The following MGAM2 variants were observed in gnomAD, a reference collection of about 807,000 sequenced individuals.
MGAM2 encodes probable maltase-glucoamylase 2.
MGAM2 carries 98 observed loss-of-function variants against 96.1 expected under a neutral mutation model. The ratio of observed to expected loss-of-function variants is 1.02; its 90% confidence interval spans 0.87 to 1.21. The LOEUF is 1.21. MGAM2 is among the 50% of genes most tolerant of loss of function. The probability of loss-of-function intolerance (pLI) is 0.00; values close to 1 mark genes in which losing one functional copy is unlikely to be tolerated. For missense variants in MGAM2, 2,055 were observed against 1,182.4 expected (o/e 1.74, Z -10.82); for synonymous variants, 749 against 414.8 (o/e 1.81, Z -9.79).
intron 23 of MGAM2, among the ~76,000 whole-genome samples, chr7:142,164,302 C>T (rs1795968325): frequency 6.6e-6 from 1 of 152,164 alleles, no homozygotes; most frequent in Non-Finnish European, 1.5e-5. Flanking sequence ...ATTTAATTTT[C>T]TGTGTTTCAG....
At chr7:142,208,731 C>A (rs532066024) in intron 46 of MGAM2, 109 bp downstream of exon 46, 106 of 611,288 alleles carry the variant, frequency 1.7e-4, no homozygotes, top group African/African-American at 1.7e-3. Context: ...GGAGGTTCTT[C>A]TTGCCTTTAC....
Position 142,221,410 on chromosome 7 carries a change from C to A in MGAM2, c.6899C>A (p.Pro2300His). ...TTYYQTSPTI[P>H]THTLTSIPSS... Reference sequence around the variant, plus strand: ...TATTACCAGACTTCTCCTACCATTCCTACCCATACTCTTACTTCTATTCCT... The same window carrying A: ...TATTACCAGACTTCTCCTACCATTCATACCCATACTCTTACTTCTATTCCT... The change falls in exon 48 of 48, where the codon CCT becomes CAT. Residue 2300 changes from proline (P) to histidine (H), a missense_variant. Coordinates refer to ENST00000477922, the MANE Select transcript of MGAM2 (RefSeq NM_001293626.2). 2 of 601,418 alleles carry A rather than the reference C, an allele frequency of 3.3e-6. No individual in the cohort carries two copies. The highest frequency in any genetic ancestry group is 5.5e-5 in the East Asian group (2 of 36,470). The allele number at this position is 601,418 out of a possible 1,614,324, so 37.3% of individuals were successfully genotyped here.
At chr7:142,126,055 C>T (rs1278762979) in intron 3 of MGAM2, among the ~76,000 whole-genome samples, 3 of 151,852 alleles carry the variant, frequency 2.0e-5, no homozygotes, top group African/African-American at 7.3e-5. Flanking sequence ...ATATATTTTT[C>T]CAACTTGCTT....
intron 13 of MGAM2, 41 bp downstream of exon 13, chr7:142,143,923 A>G: frequency 1.4e-6 from 1 of 699,478 alleles, no homozygotes; most frequent in Non-Finnish European, 2.6e-6. Flanking sequence ...TTGGAAACAG[A>G]TAACGCCAAA....
chr7:142,167,786 G>A (rs772525494), intron 26 of MGAM2, among the ~76,000 whole-genome samples: 17 of 151,874 alleles, frequency 1.1e-4, no homozygotes, highest in East Asian at 9.7e-4. Flanking sequence ...TTTCCCAGGC[G>A]GTCTCAAATG....
chr7:142,199,913 G>C lies in MGAM2; in HGVS notation c.5082G>C (p.Leu1694Phe). 1 of 655,780 alleles carries C rather than the reference G, an allele frequency of 1.5e-6. No homozygotes were observed. The highest frequency in any genetic ancestry group is 1.6e-5 in the South Asian group (1 of 62,258). 40.6% of individuals were successfully genotyped at this position (655,780 alleles called of 1,614,324 possible). A position where few individuals can be genotyped will look rare whatever the true frequency, so the allele number is the denominator to read the frequency against. ...ATTTTATGGGATTGATTGTTGCTTT[G>C]GATGACAATGGGACAGCTGAAGGCC... ...RQNFMGLIVA[L>F]DDNGTAEGQV... is the part of the protein sequence containing the mutation. Residue 1694 changes from leucine to phenylalanine, a missense_variant, in exon 45 of 48, where the codon TTG (leucine) becomes TTC (phenylalanine). Transcript: ENST00000477922.
At position 142,159,437 on chromosome 7, in the gene MGAM2, T is replaced by C. The variant is rs76984257; in HGVS notation, c.2220+94T>C. On this transcript the variant is annotated intron_variant, in intron 20 of 47. Transcript: ENST00000477922. ...TTGGGAGCTTGCCATAGAATAATAG[T>C]ACAAGATTTATAGTTAGTTGATTGT... 3.9e-3 allele frequency: 2,602 copies of C among 669,216 alleles called. 48 individuals carry two copies. In the African/African-American group the frequency reaches 0.04, roughly 10 times the overall value. 41.5% of individuals were successfully genotyped at this position (669,216 alleles called of 1,614,324 possible). A position where few individuals can be genotyped will look rare whatever the true frequency, so the allele number is the denominator to read the frequency against.
chr7:142,193,940 A>G (rs1457637321), intron 37 of MGAM2, among the ~76,000 whole-genome samples: 4 of 152,128 alleles, frequency 2.6e-5, no homozygotes, highest in Non-Finnish European at 5.9e-5. Context: ...TGTCTCATTT[A>G]TGATGTCCCA....
intron 17 of MGAM2, among the ~76,000 whole-genome samples, chr7:142,157,227 G>A (rs944912926): frequency 2.2e-4 from 34 of 152,112 alleles, no homozygotes; most frequent in African/African-American, 8.2e-4. Flanking sequence ...TTTAGTAGTA[G>A]TACAACTTAT....
At chr7:142,165,170 G>C (rs923235797) in intron 24 of MGAM2, 147 bp downstream of exon 24, 4 of 506,776 alleles carry the variant, frequency 7.9e-6, no homozygotes, top group Non-Finnish European at 1.4e-5. Flanking sequence ...CAGGAGAAAC[G>C]TGTGCATGCT....
intron 10 of MGAM2, among the ~76,000 whole-genome samples, chr7:142,140,310 A>T (rs1423796380): frequency 2.0e-5 from 3 of 152,226 alleles, no homozygotes; most frequent in African/African-American, 7.2e-5. Flanking sequence ...TGTGTGCATG[A>T]GAGTTTAGTT....
In MGAM2 at chr7:142,140,884, A is replaced by G. The variant is rs1232625525; in HGVS notation, c.1169A>G (p.Asp390Gly). The G allele has an allele frequency of 1.4e-6, 1 of 702,958 alleles. No homozygotes were observed. Among genetic ancestry groups the G allele is most frequent in the South Asian group, 1.5e-5 (1 of 67,606 alleles). 43.5% of individuals were successfully genotyped at this position (702,958 alleles called of 1,614,324 possible). A position where few individuals can be genotyped will look rare whatever the true frequency, so the allele number is the denominator to read the frequency against. ...GAAGTCGCTTACTCTGGTCTCCCAG[A>G]TTTTGTCAAGGAGTTACATGACAAT... ...VDEVAYSGLP[D>G]FVKELHDNGQ... is the part of the protein sequence containing the mutation. The change falls in exon 11 of 48, where the codon GAT becomes GGT. Residue 390 changes from aspartate to glycine, a missense_variant. Asp to Gly is a moderately conservative substitution (Grantham distance 94, BLOSUM62 -1). Transcript: ENST00000477922.
intron 32 of MGAM2, among the ~76,000 whole-genome samples, chr7:142,182,838 T>C (rs4406326): frequency 0.19 from 28,762 of 152,166 alleles, 3,014 homozygotes; most frequent in East Asian, 0.34. Flanking sequence ...CTGTTTGAAG[T>C]GTAATGGTTT....
intron 33 of MGAM2, among the ~76,000 whole-genome samples, chr7:142,184,664 A>G (rs889382784): frequency 6.6e-6 from 1 of 152,340 alleles, no homozygotes; most frequent in South Asian, 2.1e-4. Context: ...GCTATAAGTC[A>G]CGATAGTGCT....
At chr7:142,214,943 A>T (rs1262106570) in intron 46 of MGAM2, among the ~76,000 whole-genome samples, 1 of 152,336 alleles carries the variant, frequency 6.6e-6, no homozygotes, top group African/African-American at 2.4e-5. Flanking sequence ...CAGCAATCCC[A>T]TTACTGGGTA....
chr7:142,127,135 A>G (rs1210191212), intron 3 of MGAM2, among the ~76,000 whole-genome samples: 1 of 152,174 alleles, frequency 6.6e-6, no homozygotes, highest in Non-Finnish European at 1.5e-5. Flanking sequence ...TTGCTTCTTT[A>G]TAATTACTGT....
intron 23 of MGAM2, among the ~76,000 whole-genome samples, chr7:142,163,584 GT>G (rs1795952660): frequency 6.6e-6 from 1 of 152,130 alleles, no homozygotes; most frequent in African/African-American, 2.4e-5. Flanking sequence ...CTGGCCATAA[GT>G]TTTTATTTCT....
rs1018906500 is a variant in MGAM2 at position 142,158,253 on chromosome 7, A to T, written c.2084A>T (p.Tyr695Phe). 7.1e-6 allele frequency: 5 copies of T among 702,838 alleles called. No individual in the cohort carries two copies. In the African/African-American group the frequency reaches 8.7e-5, roughly 12 times the overall value. 43.5% of individuals were successfully genotyped at this position (702,838 alleles called of 1,614,324 possible). The change falls in exon 19 of 48, where the codon TAC becomes TTC. Residue 695 changes from tyrosine to phenylalanine, a missense_variant. By Grantham distance (22) the Tyr-to-Phe change is conservative. Coordinates refer to ENST00000477922, the MANE Select transcript of MGAM2 (RefSeq NM_001293626.2). Reference protein sequence around the residue: ...TVARPLVHEFYQDSATWDVHE... With the variant: ...TVARPLVHEFFQDSATWDVHE... ...CTGTGCTACCTCTTTACTAGGTTCT[A>T]CCAGGACTCAGCCACGTGGGATGTG...
Position 142,222,146 on chromosome 7 carries a change from C to CA in MGAM2, c.*87_*88insA. 1 of 396,618 alleles carries CA rather than the reference C, an allele frequency of 2.5e-6. No homozygotes were observed. Among genetic ancestry groups the CA allele is most frequent in the Non-Finnish European group, 4.4e-6 (1 of 224,992 alleles). 24.6% of individuals were successfully genotyped at this position (396,618 alleles called of 1,614,324 possible). A position where few individuals can be genotyped will look rare whatever the true frequency, so the allele number is the denominator to read the frequency against. On this transcript the variant is annotated 3_prime_UTR_variant, in exon 48 of 48. Coordinates refer to ENST00000477922, the MANE Select transcript of MGAM2 (RefSeq NM_001293626.2). ...GAAAATCAGTTACGAGACACTCTAT[C>CA]TATCTTATGCTACTTAAGTTTTCAC...
Sources: allele counts gnomAD v4.1 joint callset (sites outside exome capture counted in the v4.1 genomes callset), GRCh38; gene constraint gnomAD v4.1.1; transcripts MANE v1.5; gene names NCBI Gene and HGNC (gene_info 2026-07-23, HGNC 2026-07-21).